HS2ST1: variants seen among roughly 807,000 people sequenced by gnomAD.
The protein encoded by HS2ST1 is heparan sulfate 2-O-sulfotransferase 1, also known as 2-O-sulfotransferase.
In HS2ST1, 18 loss-of-function variants were observed where a neutral mutation model predicts 42.9. The observed-to-expected ratio is 0.42, with a 90% CI of 0.29 to 0.62. The LOEUF (loss-of-function observed/expected upper bound fraction) is 0.62. HS2ST1 is among the 20% of genes least tolerant of loss of function. The pLI, the probability that HS2ST1 is intolerant of heterozygous loss-of-function variation, is 0.21. For synonymous variants in HS2ST1, 146 were observed against 152.9 expected (o/e 0.95, Z 0.33); for missense variants, 334 against 433.8 (o/e 0.77, Z 2.04).
chr1:87,019,678 T>C (rs2100586316), intron 1 of HS2ST1, among the ~76,000 whole-genome samples: 1 of 152,322 alleles, frequency 6.6e-6, no homozygotes, highest in Non-Finnish European at 1.5e-5. Flanking sequence ...ACTTTATGAT[T>C]TCCATCTGTT....
At chr1:86,996,428 G>T (rs1314429101) in intron 1 of HS2ST1, among the ~76,000 whole-genome samples, 2 of 130,212 alleles carry the variant, frequency 1.5e-5, no homozygotes, top group Non-Finnish European at 1.6e-5. Context: ...GGCAACAAGA[G>T]TGAAACTCTG....
chr1:86,934,289 A>G (rs1385817106), intron 1 of HS2ST1: 1 of 152,090 alleles, frequency 6.6e-6, no homozygotes, highest in Non-Finnish European at 1.5e-5. Context: ...GCAATTTCAG[A>G]ATGGTTATTT....
rs1339371076 is a variant in HS2ST1 at position 87,015,384 on chromosome 1, G to A, written c.125-57550G>A. On this transcript the variant is annotated intron_variant, in intron 1 of 6. Coordinates refer to ENST00000370550, the MANE Select transcript of HS2ST1 (RefSeq NM_012262.4). ...TTTTTTTGAGACAGAGTCTCGTTCCGTGGCCCAGGCTGGAATGCGGTGGCG... is the reference window on the plus strand; with the variant it reads ...TTTTTTTGAGACAGAGTCTCGTTCCATGGCCCAGGCTGGAATGCGGTGGCG... Among the ~76,000 whole-genome samples the A allele has an allele frequency of 1.1e-4, 14 of 130,098 alleles. No individual in the cohort carries two copies. In the South Asian group the frequency reaches 1.3e-3, roughly 12 times the overall value. The allele number at this position is 130,098 out of a possible 152,430, so 85.3% of individuals were successfully genotyped here.
chr1:87,002,980 C>T (rs548864857), intron 1 of HS2ST1, among the ~76,000 whole-genome samples: 23 of 152,320 alleles, frequency 1.5e-4, no homozygotes, highest in African/African-American at 5.3e-4. Context: ...ACTCTTCTCT[C>T]GAAGCAATAG....
At chr1:87,063,304 A>G (rs1305093805) in intron 1 of HS2ST1, among the ~76,000 whole-genome samples, 3 of 152,020 alleles carry the variant, frequency 2.0e-5, no homozygotes, top group African/African-American at 7.2e-5. Context: ...TGTTGAACCC[A>G]TTCACTGAGC....
At chr1:86,978,703 TATA>T (rs1648494001) in intron 1 of HS2ST1, among the ~76,000 whole-genome samples, 1 of 152,106 alleles carries the variant, frequency 6.6e-6, no homozygotes, top group East Asian at 1.9e-4. Flanking sequence ...AATAATTACA[TATA>T]ATAATAGAAA....
chr1:87,097,930 A>G lies in HS2ST1; in HGVS notation c.681A>G (p.Glu227=). 10 of 1,613,936 alleles carry G rather than the reference A, an allele frequency of 6.2e-6. No individual in the cohort carries two copies. The highest frequency in any genetic ancestry group is 8.5e-6 in the Non-Finnish European group (10 of 1,179,856). The change falls in exon 5 of 7, where the codon GAA becomes GAG. Residue 227 remains glutamate (E), a synonymous_variant. Transcript: ENST00000370550. ...CGTTCTTCTGTGGCCATAGCTCCGAATGCTGGTAGGGGAGATAAAGTTGGC... is the reference window on the plus strand; with the variant it reads ...CGTTCTTCTGTGGCCATAGCTCCGAGTGCTGGTAGGGGAGATAAAGTTGGC... ...QIPFFCGHSS[E]CWNVGSRWAM... is the part of the protein sequence containing the mutation.
chr1:86,941,557 A>T lies in HS2ST1; in HGVS notation c.124+26397A>T, dbSNP rs146152017. On this transcript the variant is annotated intron_variant, in intron 1 of 6. Coordinates refer to ENST00000370550, the MANE Select transcript of HS2ST1 (RefSeq NM_012262.4). ...GAGGCTGAGGCGGGTGGATCAGTTG[A>T]GGTCAGGAGTTGAAGACCAGCCTGG... Among the ~76,000 whole-genome samples the T allele has an allele frequency of 7.7e-3, 1,169 of 152,154 alleles. 23 individuals are homozygous for T. Among genetic ancestry groups the T allele is most frequent in the African/African-American group, 0.027 (1,134 of 41,500 alleles).
intron 1 of HS2ST1, among the ~76,000 whole-genome samples, chr1:86,916,466 A>G (rs920895726): frequency 1.3e-5 from 2 of 152,218 alleles, no homozygotes; most frequent in Non-Finnish European, 2.9e-5. Flanking sequence ...AAGGCTTTGC[A>G]AAAGCCTTGA....
intron 5 of HS2ST1, among the ~76,000 whole-genome samples, chr1:87,102,111 G>A (rs1652227990): frequency 6.6e-6 from 1 of 152,030 alleles, no homozygotes; most frequent in African/African-American, 2.4e-5. Context: ...AGGCTGGAGT[G>A]CAATGGTGTG....
At chr1:87,043,798 A>AT (rs753858291) in intron 1 of HS2ST1, among the ~76,000 whole-genome samples, 25 of 152,220 alleles carry the variant, frequency 1.6e-4, no homozygotes, top group South Asian at 2.1e-4. Flanking sequence ...TATATACAGG[A>AT]AGCTATGAAA....
intron 1 of HS2ST1, among the ~76,000 whole-genome samples, chr1:86,987,197 GT>G (rs1414052752): frequency 1.3e-5 from 2 of 150,522 alleles, no homozygotes; most frequent in African/African-American, 4.9e-5. Flanking sequence ...AGCCCTCCAA[GT>G]AGCTGGAATT....
At chr1:86,985,811 C>A (rs182441176) in intron 1 of HS2ST1, among the ~76,000 whole-genome samples, 2 of 152,102 alleles carry the variant, frequency 1.3e-5, no homozygotes, top group African/African-American at 4.8e-5. Flanking sequence ...TGCTTGTTCC[C>A]CCTTACTGTA....
intron 1 of HS2ST1, among the ~76,000 whole-genome samples, chr1:86,973,191 A>AT (rs1005786460): frequency 2.0e-5 from 3 of 150,104 alleles, no homozygotes; most frequent in African/African-American, 4.9e-5. Context: ...TTGTTCTTAA[A>AT]TTTTTTTTTT....
chr1:86,954,963 T>A (rs1488744011), intron 1 of HS2ST1, among the ~76,000 whole-genome samples: 1 of 152,096 alleles, frequency 6.6e-6, no homozygotes, highest in African/African-American at 2.4e-5. Context: ...CCAGGTGTGG[T>A]GGCTCATCCC....
intron 4 of HS2ST1, among the ~76,000 whole-genome samples, chr1:87,094,619 A>T (rs1453224134): frequency 6.6e-6 from 1 of 152,090 alleles, no homozygotes; most frequent in Non-Finnish European, 1.5e-5. Context: ...AAAAGAAGAG[A>T]AGAAATGCAA....
intron 1 of HS2ST1, among the ~76,000 whole-genome samples, chr1:87,006,739 T>G (rs10747335): frequency 0.7 from 105,802 of 151,926 alleles, 39,122 homozygotes; most frequent in East Asian, 0.97. Flanking sequence ...AGTCATTTCT[T>G]CTCATAATAT....
chr1:86,999,405 C>G (rs1047796431), intron 1 of HS2ST1, among the ~76,000 whole-genome samples: 4 of 152,004 alleles, frequency 2.6e-5, no homozygotes, highest in African/African-American at 9.7e-5. Context: ...CTCGAACTCC[C>G]GACTTCAGAT....
At chr1:87,099,754 G>A (rs1210189603) in intron 5 of HS2ST1, among the ~76,000 whole-genome samples, 1 of 152,168 alleles carries the variant, frequency 6.6e-6, no homozygotes, top group Non-Finnish European at 1.5e-5. Flanking sequence ...CTACCTATGA[G>A]CCTGTGAGAT....
Sources: gnomAD v4.1 joint callset for allele counts (sites outside exome capture counted in the v4.1 genomes callset) on GRCh38, gnomAD v4.1.1 for gene constraint, MANE v1.5 for transcripts, NCBI Gene and HGNC (gene_info 2026-07-23, HGNC 2026-07-21) for gene names.